Variants in ANKIB1 observed in about 807,000 individuals in gnomAD.
The protein encoded by ANKIB1 is ankyrin repeat and IBR domain-containing protein 1.
Under a neutral mutation model 122.1 loss-of-function variants are expected in ANKIB1, and 43 were observed. The ratio of observed to expected loss-of-function variants is 0.35; its 90% confidence interval spans 0.28 to 0.45. ANKIB1 has a LOEUF of 0.45. Among genes scored for constraint, ANKIB1 ranks in the 20% least tolerant of loss-of-function variants. The pLI, the probability that ANKIB1 is intolerant of heterozygous loss-of-function variation, is 1.00. For missense variants in ANKIB1, 992 were observed against 1,329.5 expected (o/e 0.75, Z 3.95); for synonymous variants, 390 against 442.0 (o/e 0.88, Z 1.48).
Position 92,294,879 on chromosome 7 carries a change from C to T in ANKIB1, c.-90-10C>T. Reference sequence around the variant, plus strand: ...TTACAATCTAATTTGAATAACTTTTCCTTCATTAGAATGTGAAAGATGTTG... The same window carrying T: ...TTACAATCTAATTTGAATAACTTTTTCTTCATTAGAATGTGAAAGATGTTG... On this transcript the variant is annotated splice_polypyrimidine_tract_variant and intron_variant, in intron 1 of 19. Transcript: ENST00000265742. 3.8e-6 allele frequency: 3 copies of T among 780,332 alleles called. No individual in the cohort carries two copies. The highest frequency in any genetic ancestry group is 5.7e-6 in the Non-Finnish European group (3 of 523,266). 48.3% of individuals were successfully genotyped at this position (780,332 alleles called of 1,614,324 possible). A position where few individuals can be genotyped will look rare whatever the true frequency, so the allele number is the denominator to read the frequency against.
At chr7:92,308,773 A>G (rs996262821) in intron 3 of ANKIB1, among the ~76,000 whole-genome samples, 2 of 152,160 alleles carry the variant, frequency 1.3e-5, no homozygotes, top group Admixed American at 6.5e-5. Context: ...AGCTACCAAC[A>G]TTCATATCCA....
intron 2 of ANKIB1, among the ~76,000 whole-genome samples, chr7:92,298,298 ACTC>A (rs781201103): frequency 9.9e-5 from 15 of 151,826 alleles, no homozygotes; most frequent in African/African-American, 1.7e-4. Context: ...ATATTACAAA[ACTC>A]CTAATATTGG....
At chr7:92,250,223 A>G (rs560309117) in intron 1 of ANKIB1, among the ~76,000 whole-genome samples, 1 of 152,050 alleles carries the variant, frequency 6.6e-6, no homozygotes, top group Non-Finnish European at 1.5e-5. Context: ...GAGAAACCCC[A>G]TCTCTACTAA....
intron 4 of ANKIB1, among the ~76,000 whole-genome samples, chr7:92,322,748 T>A (rs936040366): frequency 2.6e-5 from 4 of 152,316 alleles, no homozygotes; most frequent in Non-Finnish European, 4.4e-5. Context: ...AACTTCTAAG[T>A]AATTTATATA....
At chr7:92,249,251 C>T (rs1490503261) in intron 1 of ANKIB1, among the ~76,000 whole-genome samples, 1 of 152,126 alleles carries the variant, frequency 6.6e-6, no homozygotes, top group African/African-American at 2.4e-5. Flanking sequence ...CTGTGTGTGC[C>T]AAGCACTTTT....
Position 92,398,978 on chromosome 7 carries a change from T to TA in ANKIB1, c.*30dup. On this transcript the variant is annotated 3_prime_UTR_variant, in exon 20 of 20. Coordinates refer to ENST00000265742, the MANE Select transcript of ANKIB1 (RefSeq NM_019004.2). ...GCACACATCTGGGCTCTAAATGAAT[T>TA]ACAGGTACAGATGGTATGCTAGGTG... 3 of 1,518,616 alleles carry TA rather than the reference T, an allele frequency of 2.0e-6. No individual in the cohort carries two copies. Among genetic ancestry groups the TA allele is most frequent in the Non-Finnish European group, 2.6e-6 (3 of 1,134,134 alleles). 94.1% of individuals were successfully genotyped at this position (1,518,616 alleles called of 1,614,324 possible). A position where few individuals can be genotyped will look rare whatever the true frequency, so the allele number is the denominator to read the frequency against.
intron 11 of ANKIB1, among the ~76,000 whole-genome samples, chr7:92,382,196 A>G (rs1046379534): frequency 6.6e-6 from 1 of 152,224 alleles, no homozygotes. Context: ...TAACTATCCT[A>G]AATATATATG....
chr7:92,346,127 AT>A (rs1195235395), intron 7 of ANKIB1, among the ~76,000 whole-genome samples: 21 of 144,468 alleles, frequency 1.5e-4, no homozygotes, highest in South Asian at 8.8e-4. Flanking sequence ...TGTCGTTCTG[AT>A]TTTTTTTTTT....
chr7:92,391,275 G>C lies in ANKIB1; in HGVS notation c.2162G>C (p.Arg721Thr). ...GCAGCATGCCTTGTACAGCAGAAGAGGCAAGAATTCCTGGCATCTGTGGCT... is the reference window on the plus strand; with the variant it reads ...GCAGCATGCCTTGTACAGCAGAAGACGCAAGAATTCCTGGCATCTGTGGCT... ...IKAACLVQQK[R>T]QEFLASVARG... Residue 721 changes from arginine to threonine, a missense_variant, in exon 16 of 20, where the codon AGG (arginine) becomes ACG (threonine). Coordinates refer to ENST00000265742, the MANE Select transcript of ANKIB1 (RefSeq NM_019004.2). 1 of 1,613,494 alleles carries C rather than the reference G, an allele frequency of 6.2e-7. No homozygotes were observed. Among genetic ancestry groups the C allele is most frequent in the South Asian group, 1.1e-5 (1 of 91,048 alleles).
intron 9 of ANKIB1, among the ~76,000 whole-genome samples, chr7:92,353,008 T>C (rs939180217): frequency 6.6e-6 from 1 of 152,172 alleles, no homozygotes; most frequent in South Asian, 2.1e-4. Context: ...GTGCCTAAAC[T>C]ATAATACCAA....
intron 9 of ANKIB1, among the ~76,000 whole-genome samples, chr7:92,353,633 G>C (rs916035966): frequency 6.6e-6 from 1 of 152,130 alleles, no homozygotes; most frequent in Non-Finnish European, 1.5e-5. Context: ...TCCCTACCCT[G>C]GTCTACTTCT....
intron 1 of ANKIB1, among the ~76,000 whole-genome samples, chr7:92,260,160 G>T (rs1801530810): frequency 6.6e-6 from 1 of 151,970 alleles, no homozygotes; most frequent in Non-Finnish European, 1.5e-5. Context: ...GATTTACAGT[G>T]ATCTTTAAGA....
At chr7:92,325,854 T>A (rs1449474781) in intron 4 of ANKIB1, 1 of 407,416 alleles carries the variant, frequency 2.5e-6, no homozygotes, top group Non-Finnish European at 4.9e-6. Context: ...AGCAGTAGTA[T>A]GCACTAATGC....
chr7:92,344,160 A>G (rs1268698953), intron 6 of ANKIB1, among the ~76,000 whole-genome samples: 1 of 142,050 alleles, frequency 7.0e-6, no homozygotes, highest in African/African-American at 2.6e-5. Flanking sequence ...TTTAATACAT[A>G]GGTGGGTTTT....
chr7:92,295,264 G>A lies in ANKIB1; in HGVS notation c.188+98G>A, dbSNP rs557453524. The A allele has an allele frequency of 7.9e-4, 678 of 856,930 alleles. 1 individual carries two copies. The highest frequency in any genetic ancestry group is 1.0e-3 in the Non-Finnish European group (628 of 609,970). The allele number at this position is 856,930 out of a possible 1,614,324, so 53.1% of individuals were successfully genotyped here. The stretch of plus-strand genomic sequence containing the variant: ...AAGGAACTATGATTTTTGAAAATAC[G>A]GACATATACAGACATGATATATATA... On this transcript the variant is annotated intron_variant, in intron 2 of 19. Coordinates refer to ENST00000265742, the MANE Select transcript of ANKIB1 (RefSeq NM_019004.2).
At chr7:92,392,067 A>C (rs1485438313) in intron 16 of ANKIB1, among the ~76,000 whole-genome samples, 174 bp from the exon 17 acceptor site, 1 of 152,186 alleles carries the variant, frequency 6.6e-6, no homozygotes, top group Non-Finnish European at 1.5e-5. Context: ...ATAAAAACTT[A>C]GAATTTGGAA....
chr7:92,276,850 G>C (rs1163135739), intron 1 of ANKIB1, among the ~76,000 whole-genome samples: 6 of 152,198 alleles, frequency 3.9e-5, no homozygotes, highest in Non-Finnish European at 5.9e-5. Flanking sequence ...TACCTGATAT[G>C]GTTTGGATCT....
At chr7:92,371,270 C>T (rs1011263197) in intron 10 of ANKIB1, among the ~76,000 whole-genome samples, 5 of 151,646 alleles carry the variant, frequency 3.3e-5, no homozygotes, top group African/African-American at 7.3e-5. Flanking sequence ...CCAGGTTTCA[C>T]GAATAGGTCT....
At chr7:92,298,426 A>C (rs1381005384) in intron 2 of ANKIB1, among the ~76,000 whole-genome samples, 1 of 152,008 alleles carries the variant, frequency 6.6e-6, no homozygotes, top group African/African-American at 2.4e-5. Context: ...TGTATATTTT[A>C]ACATAAACCA....
Sources: gnomAD v4.1 joint callset for allele counts (sites outside exome capture counted in the v4.1 genomes callset) on GRCh38, gnomAD v4.1.1 for gene constraint, MANE v1.5 for transcripts, NCBI Gene and HGNC (gene_info 2026-07-23, HGNC 2026-07-21) for gene names.